Variants in PARVA observed in about 807,000 individuals in gnomAD.
PARVA encodes parvin alpha.
In PARVA, 25 loss-of-function variants were observed where a neutral mutation model predicts 52.6. The ratio of observed to expected loss-of-function variants is 0.48; its 90% CI spans 0.35 to 0.66. The LOEUF (loss-of-function observed/expected upper bound fraction) is 0.66, where lower values mean the gene tolerates loss of function less well. Among genes scored for constraint, PARVA ranks in the 30% least tolerant of loss-of-function variants. The probability of loss-of-function intolerance (pLI) is 0.01; values close to 1 mark genes in which losing one functional copy is unlikely to be tolerated. For synonymous variants in PARVA, 185 were observed against 179.1 expected (o/e 1.03, Z -0.26); for missense variants, 373 against 450.9 (o/e 0.83, Z 1.56).
rs577607738 is a variant in PARVA at position 12,473,810 on chromosome 11, C to G, written c.202C>G (p.Leu68Val). Residue 68 changes from leucine (L) to valine (V), a missense_variant, in exon 2 of 13, where the codon CTG becomes GTG. Physicochemically the swap from Leu to Val is conservative, Grantham distance 32. Transcript: ENST00000334956. The stretch of plus-strand genomic sequence containing the variant: ...GCCCCTCAGCCCAATTCCCTTTGAG[C>G]TGGACCCCGAGGACACGATGCTGGG... The part of the protein sequence containing the change: ...NLPLSPIPFE[L>V]DPEDTMLEEN... The G allele has an allele frequency of 1.9e-6, 3 of 1,571,972 alleles. No individual in the cohort carries two copies. The highest frequency in any genetic ancestry group is 1.2e-5 in the South Asian group (1 of 85,392).
intron 1 of PARVA, among the ~76,000 whole-genome samples, chr11:12,408,737 C>T (rs1939949618): frequency 6.6e-6 from 1 of 152,106 alleles, no homozygotes; most frequent in Non-Finnish European, 1.5e-5. Flanking sequence ...ATAGGGTAGA[C>T]TAGGTTTCTG....
intron 1 of PARVA, among the ~76,000 whole-genome samples, chr11:12,450,818 T>C (rs563301943): frequency 1.3e-5 from 2 of 152,332 alleles, no homozygotes; most frequent in Admixed American, 6.5e-5. Context: ...AGGAGAAAGA[T>C]GAAGGCCGGA....
At chr11:12,487,647 T>G (rs1245200398) in intron 4 of PARVA, among the ~76,000 whole-genome samples, 1 of 152,198 alleles carries the variant, frequency 6.6e-6, no homozygotes, top group Non-Finnish European at 1.5e-5. Context: ...AATCTGATTT[T>G]AGGATTGTTG....
intron 1 of PARVA, among the ~76,000 whole-genome samples, chr11:12,392,266 CT>C (rs113647098): frequency 0.088 from 11,997 of 136,026 alleles, 484 homozygotes; most frequent in South Asian, 0.11. Context: ...TACTTCATTC[CT>C]TTTTTTTTTT....
chr11:12,387,011 A>G (rs1939581384), intron 1 of PARVA, among the ~76,000 whole-genome samples: 1 of 152,240 alleles, frequency 6.6e-6, no homozygotes, highest in Non-Finnish European at 1.5e-5. Context: ...CTATTTGGTT[A>G]ACAAGCACAG....
intron 1 of PARVA, among the ~76,000 whole-genome samples, chr11:12,471,985 T>C (rs915627883): frequency 6.6e-6 from 1 of 152,204 alleles, no homozygotes; most frequent in African/African-American, 2.4e-5. Flanking sequence ...TTGTGCTTCT[T>C]TGTGAGAAAT....
intron 1 of PARVA, among the ~76,000 whole-genome samples, chr11:12,416,079 G>A (rs936800452): frequency 3.9e-5 from 6 of 152,208 alleles, no homozygotes; most frequent in Non-Finnish European, 8.8e-5. Context: ...TGGGAAAGAG[G>A]TTGAAAGTGG....
rs1044794232 is a variant in PARVA, at chr11:12,459,600, C to T, written c.137-14145C>T. ...TTCCAAAAACTGGAAACTACCTAAA[C>T]GTTCAACAGTTACGGAATGGTTATG... On this transcript the variant is annotated intron_variant, in intron 1 of 12. Coordinates refer to ENST00000334956, the MANE Select transcript of PARVA (RefSeq NM_018222.5). 7.8e-4 allele frequency among the ~76,000 whole-genome samples: 118 copies of T among 152,190 alleles called. 1 individual carries two copies. The highest frequency in any genetic ancestry group is 2.5e-3 in the African/African-American group (105 of 41,520).
chr11:12,416,252 A>T (rs1940064831), intron 1 of PARVA, among the ~76,000 whole-genome samples: 1 of 152,210 alleles, frequency 6.6e-6, no homozygotes, highest in Non-Finnish European at 1.5e-5. Flanking sequence ...AATTCGAGGC[A>T]ACGTTAGGGC....
chr11:12,461,612 C>T (rs1166044988), intron 1 of PARVA, among the ~76,000 whole-genome samples: 1 of 152,230 alleles, frequency 6.6e-6, no homozygotes, highest in African/African-American at 2.4e-5. Flanking sequence ...ATTGTTTCGA[C>T]TGCCTGAAGC....
intron 10 of PARVA, among the ~76,000 whole-genome samples, chr11:12,516,465 C>T (rs1720111473): frequency 6.6e-6 from 1 of 152,080 alleles, no homozygotes; most frequent in Admixed American, 6.6e-5. Context: ...CCTGAGCCCT[C>T]AGTGTATGCT....
upstream of PARVA, chr11:12,376,845 C>A: frequency 2.1e-6 from 1 of 478,710 alleles, no homozygotes; most frequent in Non-Finnish European, 2.7e-6. Flanking sequence ...CACTCTCTTG[C>A]TTTTATTTAG....
At chr11:12,475,669 G>A (rs557061230) in intron 3 of PARVA, among the ~76,000 whole-genome samples, 1 of 152,232 alleles carries the variant, frequency 6.6e-6, no homozygotes, top group Non-Finnish European at 1.5e-5. Context: ...CATCTCAGAG[G>A]AGATGTGTAA....
Position 12,391,327 on chromosome 11 carries a change from G to A in PARVA, c.136+13544G>A, listed in dbSNP as rs190742549. On this transcript the variant is annotated intron_variant, in intron 1 of 12. Coordinates refer to ENST00000334956, the MANE Select transcript of PARVA (RefSeq NM_018222.5). Reference sequence around the variant, plus strand: ...AGCAGGTGGGAAACAGGAGTCCAGGGCCATGAATTGGCTAGATGGCAATTG... The same window carrying A: ...AGCAGGTGGGAAACAGGAGTCCAGGACCATGAATTGGCTAGATGGCAATTG... Among the ~76,000 whole-genome samples the A allele has an allele frequency of 2.6e-5, 4 of 152,238 alleles. No homozygotes were observed. In the East Asian group the frequency reaches 7.7e-4, roughly 29 times the overall value.
At chr11:12,512,458 C>A (rs1263458126) in intron 8 of PARVA, among the ~76,000 whole-genome samples, 1 of 152,210 alleles carries the variant, frequency 6.6e-6, no homozygotes, top group East Asian at 1.9e-4. Flanking sequence ...CGCACCCTCC[C>A]AGCCCCAGGT....
intron 1 of PARVA, among the ~76,000 whole-genome samples, 168 bp downstream of exon 1, chr11:12,377,951 C>T (rs1188226032): frequency 6.7e-6 from 1 of 148,216 alleles, no homozygotes; most frequent in African/African-American, 2.4e-5. Flanking sequence ...AGGAGCGACG[C>T]GCACCCCACA....
chr11:12,425,686 C>T (rs1010456829), intron 1 of PARVA, among the ~76,000 whole-genome samples: 3 of 152,136 alleles, frequency 2.0e-5, no homozygotes, highest in East Asian at 3.9e-4. Flanking sequence ...TTATGTACAT[C>T]TCATATGTCT....
upstream of PARVA, among the ~76,000 whole-genome samples, chr11:12,376,513 C>T (rs1300162963): frequency 1.3e-5 from 2 of 152,244 alleles, no homozygotes; most frequent in Non-Finnish European, 2.9e-5. Context: ...AGCACAACTT[C>T]TGACAACAGT....
intron 1 of PARVA, among the ~76,000 whole-genome samples, chr11:12,429,439 TAA>T (rs1311442580): frequency 3.9e-5 from 6 of 152,356 alleles, no homozygotes; most frequent in African/African-American, 1.4e-4. Context: ...AATGCATATA[TAA>T]GTTAATTATA....
Sources: allele counts gnomAD v4.1 joint callset (sites outside exome capture counted in the v4.1 genomes callset), GRCh38; gene constraint gnomAD v4.1.1; transcripts MANE v1.5; gene names NCBI Gene and HGNC (gene_info 2026-07-23, HGNC 2026-07-21).